The following PRDM16 variants were observed in gnomAD, a reference collection of about 807,000 sequenced individuals.
PRDM16 encodes histone-lysine N-methyltransferase PRDM16.
A neutral mutation model predicts 110.6 loss-of-function variants in PRDM16; 23 were observed. The ratio of observed to expected loss-of-function variants is 0.21; its 90% CI spans 0.15 to 0.29. The LOEUF is 0.29. PRDM16 is among the 10% of genes least tolerant of loss of function. PRDM16 has a pLI of 1.00. For missense variants in PRDM16, 1,615 were observed against 1,794.3 expected (o/e 0.90, Z 1.81); for synonymous variants, 799 against 781.8 (o/e 1.02, Z -0.37).
rs948911595 is a variant in PRDM16 at position 3,201,184 on chromosome 1, C to T, written c.387+14710C>T. 2.0e-5 allele frequency among the ~76,000 whole-genome samples: 3 copies of T among 152,150 alleles called. No individual in the cohort carries two copies. Among genetic ancestry groups the T allele is most frequent in the African/African-American group, 7.2e-5 (3 of 41,426 alleles). On this transcript the variant is annotated intron_variant, in intron 2 of 16. Transcript: ENST00000270722. The surrounding 1 kb of genome is among the most constrained non-coding windows in gnomAD (Gnocchi z 4.1). ...GGAGGACAGGGATGGAAAAAGGGGT[C>T]TGGGCTGCATTTTGATAAAAGCCTT...
intron 1 of PRDM16, among the ~76,000 whole-genome samples, chr1:3,089,338 C>T (rs565018398): frequency 2.0e-5 from 3 of 152,214 alleles, no homozygotes; most frequent in Non-Finnish European, 4.4e-5. Flanking sequence ...ACCCCTGGGA[C>T]CCACCCCCCA....
intron 2 of PRDM16, among the ~76,000 whole-genome samples, chr1:3,194,662 G>A (rs367710304): frequency 1.7e-3 from 242 of 144,496 alleles, no homozygotes; most frequent in Non-Finnish European, 2.4e-3. Context: ...CCGTCTCCCC[G>A]CCACATGCCA....
At chr1:3,372,112 C>T (rs142238851) in intron 3 of PRDM16, among the ~76,000 whole-genome samples, 2 of 152,352 alleles carry the variant, frequency 1.3e-5, no homozygotes, top group African/African-American at 2.4e-5. Context: ...GGCCATGAGC[C>T]TCTGCACAGC....
At chr1:3,212,303 G>A (rs986783885) in intron 2 of PRDM16, among the ~76,000 whole-genome samples, 7 of 152,258 alleles carry the variant, frequency 4.6e-5, no homozygotes, top group African/African-American at 1.7e-4. Context: ...GCTGGGGCTC[G>A]GGGCTCTGGT....
intron 2 of PRDM16, among the ~76,000 whole-genome samples, chr1:3,197,886 C>T (rs1193387507): frequency 4.6e-5 from 7 of 152,138 alleles, no homozygotes; most frequent in Non-Finnish European, 1.0e-4. Context: ...ACCTCGCACT[C>T]CTCAGGGGGC....
chr1:3,278,317 A>G (rs1640636873), intron 3 of PRDM16, among the ~76,000 whole-genome samples: 4 of 152,218 alleles, frequency 2.6e-5, no homozygotes, highest in Non-Finnish European at 2.9e-5. Flanking sequence ...TCCTAGGGAC[A>G]GCCTGGCTGC....
Position 3,382,703 on chromosome 1 carries a change from C to T in PRDM16, c.439-2449C>T, listed in dbSNP as rs150923617. ...GCTGAGGGGGATGCACTCAGGAGCA[C>T]GTACTCCTGGCTGCACCAATGGGGT... On this transcript the variant is annotated intron_variant, in intron 3 of 16. Transcript: ENST00000270722. This position sits in a 1 kb window ranked among gnomAD's most constrained non-coding sequence, Gnocchi z 6.6. Among the ~76,000 whole-genome samples the T allele has an allele frequency of 2.2e-4, 34 of 152,308 alleles. No individual in the cohort carries two copies. In the East Asian group the frequency reaches 3.7e-3, roughly 16 times the overall value.
At chr1:3,121,771 G>A (rs1569612385) in intron 1 of PRDM16, among the ~76,000 whole-genome samples, 2 of 152,324 alleles carry the variant, frequency 1.3e-5, no homozygotes, top group Admixed American at 1.3e-4. Flanking sequence ...GCCCTTCTCT[G>A]CGGGGCCGGC....
intron 1 of PRDM16, among the ~76,000 whole-genome samples, chr1:3,146,823 G>A (rs1366579047): frequency 2.2e-5 from 3 of 134,790 alleles, no homozygotes; most frequent in African/African-American, 8.5e-5. Context: ...GCTCAGTATG[G>A]AGTGTGTGTG....
In PRDM16 at chr1:3,157,082, G is replaced by A. The variant is rs1643864941; in HGVS notation, c.38-29043G>A. ...GTGACCGCCGGCCAGAACCAGCCGT[G>A]GCTGCCCAGTCGCCCAGATGGTGGT... On this transcript the variant is annotated intron_variant, in intron 1 of 16. Transcript: ENST00000270722. The surrounding 1 kb of genome is among the most constrained non-coding windows in gnomAD (Gnocchi z 4.8). 6.6e-6 allele frequency among the ~76,000 whole-genome samples: 1 copy of A among 152,212 alleles called. No homozygotes were observed. The highest frequency in any genetic ancestry group is 1.5e-5 in the Non-Finnish European group (1 of 68,036).
At chr1:3,260,876 A>G (rs1030971974) in intron 3 of PRDM16, among the ~76,000 whole-genome samples, 1 of 148,622 alleles carries the variant, frequency 6.7e-6, no homozygotes, top group African/African-American at 2.5e-5. Context: ...ATTACATGGG[A>G]GAACCAAAGA....
At chr1:3,360,925 G>T (rs1312519709) in intron 3 of PRDM16, among the ~76,000 whole-genome samples, 2 of 152,200 alleles carry the variant, frequency 1.3e-5, no homozygotes, top group African/African-American at 4.8e-5. Flanking sequence ...AGATGTGCGG[G>T]TGCCGTCCCG....
At chr1:3,092,623 C>T (rs1642303637) in intron 1 of PRDM16, among the ~76,000 whole-genome samples, 1 of 152,336 alleles carries the variant, frequency 6.6e-6, no homozygotes, top group East Asian at 1.9e-4. Flanking sequence ...GCTGGCCAGG[C>T]ATCCTCAGGG....
intron 1 of PRDM16, among the ~76,000 whole-genome samples, chr1:3,087,243 G>GAGACCAGCCCCACCC (rs1642171357): frequency 2.7e-5 from 2 of 72,882 alleles, no homozygotes; most frequent in African/African-American, 1.2e-4. Context: ...CAGCCCCACC[G>GAGACCAGCCCCACCC]GAGACCAGCC....
rs768069151 is a variant in PRDM16, at chr1:3,434,491, C to T, written c.*680C>T. The T allele has an allele frequency of 1.7e-5, 4 of 231,662 alleles. No individual in the cohort carries two copies. The highest frequency in any genetic ancestry group is 3.4e-5 in the Non-Finnish European group (4 of 117,170). The allele number at this position is 231,662 out of a possible 1,614,324, so 14.4% of individuals were successfully genotyped here. On this transcript the variant is annotated 3_prime_UTR_variant, in exon 17 of 17. Transcript: ENST00000270722. ...TATCTCTGTCCCTATTTGTATAAGC[C>T]AAGGTGATGCTGGGTGCCCCGAGGC...
intron 2 of PRDM16, among the ~76,000 whole-genome samples, chr1:3,238,632 T>G (rs1185881839): frequency 1.3e-5 from 2 of 152,254 alleles, no homozygotes; most frequent in African/African-American, 4.8e-5. Context: ...ACTAACCGCC[T>G]TTCACGGTTC....
At chr1:3,400,645 G>A (rs533520891) in intron 5 of PRDM16, among the ~76,000 whole-genome samples, 5 of 152,296 alleles carry the variant, frequency 3.3e-5, no homozygotes, top group African/African-American at 7.2e-5. Context: ...GGTGTGGACC[G>A]CAGTCCTGTG....
At position 3,243,928 on chromosome 1, in the gene PRDM16, T is replaced by G. The variant is rs1173075480; in HGVS notation, c.388-159T>G. 6.6e-6 allele frequency among the ~76,000 whole-genome samples: 1 copy of G among 152,166 alleles called. No homozygotes were observed. The highest frequency in any genetic ancestry group is 2.4e-5 in the African/African-American group (1 of 41,434). ...AGCCTCTGCTGGAAGAAGGGATACC[T>G]GTGATCAATGGAACCCTTCATTTCC... is the stretch of plus-strand genomic sequence containing the variant. On this transcript the variant is annotated intron_variant, in intron 2 of 16. Coordinates refer to ENST00000270722, the MANE Select transcript of PRDM16 (RefSeq NM_022114.4). This position sits in a 1 kb window ranked among gnomAD's most constrained non-coding sequence, Gnocchi z 5.5.
intron 3 of PRDM16, among the ~76,000 whole-genome samples, chr1:3,284,023 G>A (rs564679926): frequency 7.9e-5 from 12 of 152,116 alleles, no homozygotes; most frequent in South Asian, 2.1e-4. Flanking sequence ...CTGGGATGCC[G>A]CCATCCTAGG....
Sources: allele counts gnomAD v4.1 joint callset (sites outside exome capture counted in the v4.1 genomes callset), GRCh38; gene constraint gnomAD v4.1.1; non-coding constraint Gnocchi (gnomAD v3.1); transcripts MANE v1.5; gene names NCBI Gene and HGNC (gene_info 2026-07-23, HGNC 2026-07-21).